Variants in DCC observed in about 807,000 individuals in gnomAD.
The protein encoded by DCC is netrin receptor DCC.
DCC carries 58 observed loss-of-function variants against 172.5 expected under a neutral mutation model. The observed-to-expected ratio is 0.34, with a 90% CI of 0.27 to 0.42. The LOEUF (loss-of-function observed/expected upper bound fraction) is 0.42. Ranked by LOEUF, DCC falls within the 10% of genes least tolerant of loss-of-function variation. The pLI is 1.00. For synonymous variants in DCC, 709 were observed against 644.5 expected, an observed-to-expected ratio of 1.10 and a Z score of -1.52; for missense variants, 1,740 against 1,791.0, an observed-to-expected ratio of 0.97 and a Z score of 0.51.
chr18:52,750,944 A>C (rs1429735330), intron 1 of DCC, among the ~76,000 whole-genome samples: 1 of 152,358 alleles, frequency 6.6e-6, no homozygotes, highest in East Asian at 1.9e-4. Context: ...GTATTTTTTA[A>C]GAAATGAAAT....
At position 52,881,109 on chromosome 18, in the gene DCC, G is replaced by A. The variant is rs141724772; in HGVS notation, c.413-24935G>A. Among the ~76,000 whole-genome samples the A allele has an allele frequency of 2.1e-3, 318 of 152,122 alleles. 1 individual carries two copies. In the South Asian group the frequency reaches 0.021, roughly 10 times the overall value. On this transcript the variant is annotated intron_variant, in intron 2 of 28. Coordinates refer to ENST00000442544, the MANE Select transcript of DCC (RefSeq NM_005215.4). ...TTTGATTTGCATTTTTCTGATGATC[G>A]ATGATGTTGAGCACTTTTTCATATG... is the stretch of plus-strand genomic sequence containing the variant.
chr18:52,712,540 A>C (rs539390149), intron 1 of DCC, among the ~76,000 whole-genome samples: 4 of 152,330 alleles, frequency 2.6e-5, no homozygotes, highest in African/African-American at 9.6e-5. Flanking sequence ...CTGATCTCAA[A>C]GCAGGTAGAA....
rs117535306 is a variant in DCC at position 53,241,488 on chromosome 18, C to T, written c.1911+25891C>T. Among the ~76,000 whole-genome samples, 311 of 152,174 alleles carry T rather than the reference C, an allele frequency of 2.0e-3. 1 individual carries two copies. The highest frequency in any genetic ancestry group is 3.5e-3 in the Non-Finnish European group (239 of 68,006). Reference sequence around the variant, plus strand: ...GAGGGAGCTCTGAACCAAAGCTTCCCGCAGTTTCATGGTCCCTGGGGCTGG... The same window carrying T: ...GAGGGAGCTCTGAACCAAAGCTTCCTGCAGTTTCATGGTCCCTGGGGCTGG... On this transcript the variant is annotated intron_variant, in intron 12 of 28. Transcript: ENST00000442544.
chr18:52,555,945 T>C (rs1034376025), intron 1 of DCC, among the ~76,000 whole-genome samples: 1 of 152,180 alleles, frequency 6.6e-6, no homozygotes, highest in African/African-American at 2.4e-5. Flanking sequence ...ACAGTCATTA[T>C]GCATCATTGT....
At chr18:53,480,206 T>C (rs1355710291) in intron 25 of DCC, among the ~76,000 whole-genome samples, 3 of 152,152 alleles carry the variant, frequency 2.0e-5, no homozygotes, top group Admixed American at 2.0e-4. Flanking sequence ...AGGAGTATAG[T>C]AGGAGATTGC....
intron 2 of DCC, among the ~76,000 whole-genome samples, chr18:52,881,121 C>G (rs942224784): frequency 2.0e-5 from 3 of 152,134 alleles, no homozygotes; most frequent in African/African-American, 7.2e-5. Context: ...TGATGTTGAG[C>G]ACTTTTTCAT....
At chr18:52,796,004 A>G (rs1256820482) in intron 2 of DCC, among the ~76,000 whole-genome samples, 2 of 150,570 alleles carry the variant, frequency 1.3e-5, no homozygotes, top group East Asian at 1.9e-4. Context: ...TTATTTTTCA[A>G]TATATGACCT....
chr18:52,708,701 G>T lies in DCC; in HGVS notation c.92-43353G>T, dbSNP rs565639888. Among the ~76,000 whole-genome samples the T allele has an allele frequency of 2.6e-5, 4 of 152,274 alleles. No homozygotes were observed. The South Asian group carries it at 8.3e-4, about 32-fold the overall frequency. The stretch of plus-strand genomic sequence containing the variant: ...CAAGGCCATGCTCACCAAATCTGAG[G>T]CTTTGTGTAGCTCAGTCCTTAGATG... On this transcript the variant is annotated intron_variant, in intron 1 of 28. Transcript: ENST00000442544.
intron 2 of DCC, among the ~76,000 whole-genome samples, chr18:52,864,180 T>A (rs1301842919): frequency 1.3e-5 from 2 of 152,196 alleles, no homozygotes; most frequent in Admixed American, 1.3e-4. Context: ...TGTATCTCTG[T>A]AAGTGGAACA....
chr18:53,503,464 A>C (rs1303745855), intron 27 of DCC, among the ~76,000 whole-genome samples: 3 of 152,314 alleles, frequency 2.0e-5, no homozygotes, highest in East Asian at 1.9e-4. Flanking sequence ...TACACATTTC[A>C]TGGAGGCTGC....
At chr18:52,461,008 C>T (rs1988612324) in intron 1 of DCC, among the ~76,000 whole-genome samples, 1 of 152,082 alleles carries the variant, frequency 6.6e-6, no homozygotes, top group Non-Finnish European at 1.5e-5. Context: ...TACTGTAATT[C>T]TTTTGCTTTA....
intron 1 of DCC, among the ~76,000 whole-genome samples, chr18:52,543,601 T>C (rs903522361): frequency 1.3e-5 from 2 of 152,222 alleles, no homozygotes; most frequent in African/African-American, 4.8e-5. Flanking sequence ...GCTGATGGGA[T>C]AATTGTGAAA....
chr18:52,453,337 G>C (rs1347515141), intron 1 of DCC, among the ~76,000 whole-genome samples: 1 of 152,030 alleles, frequency 6.6e-6, no homozygotes, highest in African/African-American at 2.4e-5. Flanking sequence ...ATAAACCTTG[G>C]TGTGACATAA....
chr18:53,500,402 C>A (rs186440305), intron 27 of DCC, among the ~76,000 whole-genome samples: 65 of 152,116 alleles, frequency 4.3e-4, no homozygotes, highest in African/African-American at 1.5e-3. Context: ...CTGAGATGGC[C>A]TCCTTGATGA....
chr18:52,498,748 G>A (rs1053702762), intron 1 of DCC, among the ~76,000 whole-genome samples: 4 of 152,042 alleles, frequency 2.6e-5, no homozygotes, highest in Non-Finnish European at 5.9e-5. Context: ...TCTTTTCCTG[G>A]CTTGAAAAGG....
At chr18:52,635,592 G>A (rs1010227506) in intron 1 of DCC, among the ~76,000 whole-genome samples, 16 of 152,066 alleles carry the variant, frequency 1.1e-4, no homozygotes, top group Non-Finnish European at 2.2e-4. Flanking sequence ...TAAGGCTAAT[G>A]GCTATTACAC....
chr18:52,960,517 A>G (rs1368568854), intron 5 of DCC, among the ~76,000 whole-genome samples: 3 of 151,962 alleles, frequency 2.0e-5, no homozygotes, highest in African/African-American at 4.8e-5. Context: ...TTTTTCTTCA[A>G]TCATCTTTAA....
At chr18:53,167,893 G>T (rs979123414) in intron 8 of DCC, among the ~76,000 whole-genome samples, 1 of 152,090 alleles carries the variant, frequency 6.6e-6, no homozygotes. Flanking sequence ...GATTCCAATT[G>T]GGTTTCATTT....
At chr18:52,622,773 C>T (rs1373540938) in intron 1 of DCC, among the ~76,000 whole-genome samples, 1 of 152,152 alleles carries the variant, frequency 6.6e-6, no homozygotes, top group Non-Finnish European at 1.5e-5. Context: ...CGTTCAGAAC[C>T]TTCCCTTTCT....
Sources: allele counts gnomAD v4.1 joint callset (sites outside exome capture counted in the v4.1 genomes callset), GRCh38; gene constraint gnomAD v4.1.1; transcripts MANE v1.5; gene names NCBI Gene and HGNC (gene_info 2026-07-23, HGNC 2026-07-21).